Variants in EDAR observed in about 807,000 individuals in gnomAD.
EDAR encodes ectodysplasin A receptor.
A neutral mutation model predicts 51.3 loss-of-function variants in EDAR; 38 were observed. That is an observed-to-expected ratio of 0.74 (90% confidence interval 0.57 to 0.97). The LOEUF is 0.97. EDAR is among the 50% of genes least tolerant of loss of function. EDAR has a pLI of 0.00. For synonymous variants in EDAR, 227 were observed against 242.1 expected (o/e 0.94, Z 0.58); for missense variants, 528 against 595.0 (o/e 0.89, Z 1.17).
intron 6 of EDAR, 146 bp from the exon 7 acceptor site, chr2:108,911,218 G>C: frequency 2.0e-6 from 2 of 1,022,806 alleles, no homozygotes; most frequent in African/African-American, 1.6e-5. Context: ...CTTAGACTGA[G>C]AACCAAATCC....
At chr2:108,910,696 G>T in intron 8 of EDAR, 80 bp downstream of exon 8, 3 of 1,503,904 alleles carry the variant, frequency 2.0e-6, no homozygotes, top group Non-Finnish European at 2.8e-6. Context: ...CAGAAGCAGC[G>T]AGGAGGCTGC....
chr2:108,978,277 G>A (rs1367029669), intron 1 of EDAR, among the ~76,000 whole-genome samples: 1 of 152,096 alleles, frequency 6.6e-6, no homozygotes, highest in Admixed American at 6.5e-5. Context: ...TGTTTCAAGG[G>A]GTTAAATACA....
chr2:108,909,789 C>T (rs140405529), intron 9 of EDAR, among the ~76,000 whole-genome samples: 5 of 152,322 alleles, frequency 3.3e-5, no homozygotes, highest in East Asian at 1.9e-4. Context: ...GTGTGGTAAA[C>T]GCGGGAAAGG....
At chr2:108,912,396 CG>C (rs1445485476) in intron 6 of EDAR, among the ~76,000 whole-genome samples, 1 of 152,190 alleles carries the variant, frequency 6.6e-6, no homozygotes, top group African/African-American at 2.4e-5. Flanking sequence ...TCCTCCTGGC[CG>C]GGCTTGCAGC....
chr2:108,959,184 C>G (rs745648929), intron 1 of EDAR, among the ~76,000 whole-genome samples: 1 of 152,174 alleles, frequency 6.6e-6, no homozygotes, highest in Non-Finnish European at 1.5e-5. Flanking sequence ...GCAGGTGGCC[C>G]GAGGAAAGCC....
intron 1 of EDAR, among the ~76,000 whole-genome samples, chr2:108,982,313 G>T (rs1207532174): frequency 1.3e-5 from 2 of 152,222 alleles, no homozygotes; most frequent in African/African-American, 4.8e-5. Context: ...AACCCAGGGA[G>T]GTGGGTGGAA....
At chr2:108,975,725 T>C (rs554141381) in intron 1 of EDAR, among the ~76,000 whole-genome samples, 7 of 152,132 alleles carry the variant, frequency 4.6e-5, no homozygotes, top group Non-Finnish European at 8.8e-5. Flanking sequence ...GGAAATGACA[T>C]GAGGACACAA....
chr2:108,974,910 C>G (rs1698296607), intron 1 of EDAR, among the ~76,000 whole-genome samples: 1 of 152,158 alleles, frequency 6.6e-6, no homozygotes, highest in Non-Finnish European at 1.5e-5. Flanking sequence ...GGAGCTCTAG[C>G]CTTTCTGAGG....
intron 4 of EDAR, among the ~76,000 whole-genome samples, 173 bp from the exon 5 acceptor site, chr2:108,923,626 G>C (rs1697192994): frequency 6.6e-6 from 1 of 152,234 alleles, no homozygotes; most frequent in African/African-American, 2.4e-5. Flanking sequence ...GTTTCAGCCT[G>C]TCTTGAAATG....
rs1574372080 is a variant in EDAR, at chr2:108,910,867, G to T, written c.656-17C>A. 2 of 1,614,132 alleles carry T rather than the reference G, an allele frequency of 1.2e-6. No individual in the cohort carries two copies. Among genetic ancestry groups the T allele is most frequent in the Admixed American group, 3.3e-5 (2 of 60,030 alleles). On this transcript the variant is annotated splice_polypyrimidine_tract_variant and intron_variant, in intron 7 of 11. Coordinates refer to ENST00000258443, the MANE Select transcript of EDAR (RefSeq NM_022336.4). ...TGCAACAGGCTGGGGAGAGAGGAGGGAGTGAGCAGCCAGGCTCTCCGACAG... is the reference window on the plus strand; with the variant it reads ...TGCAACAGGCTGGGGAGAGAGGAGGTAGTGAGCAGCCAGGCTCTCCGACAG...
chr2:108,908,283 C>T (rs114564140), intron 9 of EDAR, among the ~76,000 whole-genome samples: 2,921 of 152,132 alleles, frequency 0.019, 91 homozygotes, highest in African/African-American at 0.067. Context: ...GCTGCCACTG[C>T]GTGTGGGAGG....
intron 1 of EDAR, among the ~76,000 whole-genome samples, chr2:108,932,061 G>A (rs1697375176): frequency 6.6e-6 from 1 of 152,046 alleles, no homozygotes. Flanking sequence ...AGCTACCATT[G>A]GTCATGAAAA....
intron 11 of EDAR, 123 bp from the exon 12 acceptor site, chr2:108,897,352 T>C: frequency 4.2e-6 from 4 of 961,344 alleles, no homozygotes; most frequent in Non-Finnish European, 6.3e-6. Context: ...TTATAAAACA[T>C]GCAGAAAGCC....
rs144796586 is a variant in EDAR, at chr2:108,942,905, A to G, written c.-18-11873T>C. On this transcript the variant is annotated intron_variant, in intron 1 of 11. Coordinates refer to ENST00000258443, the MANE Select transcript of EDAR (RefSeq NM_022336.4). Reference sequence around the variant, plus strand: ...TTGTTTGTTTGTTTTGAACGATTCAATAGATGGATTTTCTCCCTGCTCCTA... The same window carrying G: ...TTGTTTGTTTGTTTTGAACGATTCAGTAGATGGATTTTCTCCCTGCTCCTA... 5.6e-3 allele frequency among the ~76,000 whole-genome samples: 849 copies of G among 152,342 alleles called. 2 individuals are homozygous for G. The highest frequency in any genetic ancestry group is 9.6e-3 in the Non-Finnish European group (650 of 68,032).
intron 5 of EDAR, among the ~76,000 whole-genome samples, chr2:108,913,037 C>A (rs1304688349): frequency 6.6e-6 from 1 of 151,680 alleles, no homozygotes; most frequent in Non-Finnish European, 1.5e-5. Flanking sequence ...CAAGCTCTGC[C>A]TCCCTGGTTG....
At chr2:108,913,888 T>C (rs1696979011) in intron 5 of EDAR, among the ~76,000 whole-genome samples, 1 of 142,092 alleles carries the variant, frequency 7.0e-6, no homozygotes, top group African/African-American at 2.6e-5. Flanking sequence ...AGGCGGAGCT[T>C]GCAGTGAGCT....
At chr2:108,909,843 T>C (rs925131402) in intron 9 of EDAR, among the ~76,000 whole-genome samples, 5 of 152,242 alleles carry the variant, frequency 3.3e-5, no homozygotes, top group Non-Finnish European at 7.3e-5. Flanking sequence ...CTTTACACCA[T>C]GTGGCTCCTT....
intron 4 of EDAR, among the ~76,000 whole-genome samples, chr2:108,927,299 G>A (rs569930304): frequency 5.3e-5 from 8 of 152,274 alleles, no homozygotes; most frequent in East Asian, 3.9e-4. Context: ...GGAGTAGGGC[G>A]GGAGGCATCA....
At chr2:108,910,361 G>C (rs1306373735) in intron 9 of EDAR, 99 bp downstream of exon 9, 1 of 980,066 alleles carries the variant, frequency 1.0e-6, no homozygotes, top group African/African-American at 1.6e-5. Flanking sequence ...TAGTGTCCCA[G>C]GCTAGCCTGT....
Sources: gnomAD v4.1 joint callset for allele counts (sites outside exome capture counted in the v4.1 genomes callset) on GRCh38, gnomAD v4.1.1 for gene constraint, MANE v1.5 for transcripts, NCBI Gene and HGNC (gene_info 2026-07-23, HGNC 2026-07-21) for gene names.